The following RACK1 variants were observed in gnomAD, a reference collection of about 807,000 sequenced individuals.
The protein encoded by RACK1 is small ribosomal subunit protein RACK1.
RACK1 carries 3 observed loss-of-function variants against 42.2 expected under a neutral mutation model. The ratio of observed to expected loss-of-function variants is 0.07; its 90% CI spans 0.03 to 0.18. The LOEUF (loss-of-function observed/expected upper bound fraction) is 0.18, where lower values mean the gene tolerates loss of function less well. Ranked by LOEUF, RACK1 falls within the 10% of genes least tolerant of loss-of-function variation. RACK1 has a pLI of 1.00. For synonymous variants in RACK1, 181 were observed against 154.8 expected (o/e 1.17, Z -1.25); for missense variants, 146 against 403.2 (o/e 0.36, Z 5.46).
Position 181,239,598 on chromosome 5 carries a change from A to T in RACK1, c.430-16T>A, listed in dbSNP as rs565706686. The T allele has an allele frequency of 6.4e-7, 1 of 1,561,442 alleles. No individual in the cohort carries two copies. The highest frequency in any genetic ancestry group is 1.1e-5 in the South Asian group (1 of 90,000). ...GGCTCTCATCCTACAGAAGATGGAA[A>T]GGAAATTAGGGCAAACAGTCCTATC... On this transcript the variant is annotated splice_polypyrimidine_tract_variant and intron_variant, in intron 3 of 7. Transcript: ENST00000512805.
intron 2 of RACK1, 91 bp from the exon 3 acceptor site, chr5:181,241,730 G>C (rs1759352739): frequency 7.4e-7 from 1 of 1,354,716 alleles, no homozygotes; most frequent in African/African-American, 1.4e-5. Context: ...CTGTCTCATT[G>C]CATCACTCAT....
At chr5:181,243,658 A>C (rs1356101011) in intron 1 of RACK1, 34 bp downstream of exon 1, 3 of 1,561,030 alleles carry the variant, frequency 1.9e-6, no homozygotes, top group Non-Finnish European at 1.7e-6. Context: ...CCAGCCCTGC[A>C]ATCTCGGGTC....
chr5:181,239,198 C>T, intron 4 of RACK1, 21 bp from the exon 5 acceptor site: 1 of 1,488,574 alleles, frequency 6.7e-7, no homozygotes, highest in African/African-American at 1.4e-5. Flanking sequence ...GTGCGGTTGA[C>T]AGGTGAACAT....
At chr5:181,240,538 G>GT (rs1759302952) in intron 3 of RACK1, 1 of 151,732 alleles carries the variant, frequency 6.6e-6, no homozygotes, top group Non-Finnish European at 1.5e-5. Flanking sequence ...GCACACGCCT[G>GT]TAATCTTCTC....
intron 7 of RACK1, 160 bp downstream of exon 7, chr5:181,237,449 C>G: frequency 1.5e-6 from 1 of 669,950 alleles, no homozygotes; most frequent in Non-Finnish European, 2.7e-6. Context: ...GAAACACATT[C>G]ACTGGCATGG....
chr5:181,243,041 G>A, intron 1 of RACK1: 1 of 357,160 alleles, frequency 2.8e-6, no homozygotes, highest in South Asian at 2.1e-5. Flanking sequence ...AATGAATGCT[G>A]GAAAAGCCAC....
At chr5:181,238,929 T>A in intron 5 of RACK1, 138 bp downstream of exon 5, 2 of 753,274 alleles carry the variant, frequency 2.7e-6, no homozygotes, top group Non-Finnish European at 4.9e-6. Flanking sequence ...GGAAACATAT[T>A]CTCAGATTGC....
intron 3 of RACK1, 179 bp downstream of exon 3, chr5:181,241,313 C>A: frequency 1.7e-6 from 1 of 593,022 alleles, no homozygotes; most frequent in Non-Finnish European, 3.0e-6. Context: ...ACCTGTAGTA[C>A]CAGCTACTCG....
At chr5:181,237,399 G>GA (rs1759180425) in intron 7 of RACK1, 4 of 692,480 alleles carry the variant, frequency 5.8e-6, no homozygotes, top group Non-Finnish European at 1.1e-5. Flanking sequence ...ATTGAAGGCT[G>GA]ACAGCCACTG....
At chr5:181,237,924 C>T in intron 6 of RACK1, 175 bp downstream of exon 6, 1 of 690,962 alleles carries the variant, frequency 1.4e-6, no homozygotes, top group Admixed American at 2.5e-5. Context: ...TGCTAAACAT[C>T]CTGGAATGTA....
At chr5:181,241,670 T>TTAGCAAACACTCTCATTCAACGG (rs1447591944) in intron 2 of RACK1, 31 bp from the exon 3 acceptor site, 1 of 1,611,162 alleles carries the variant, frequency 6.2e-7, no homozygotes, top group East Asian at 2.2e-5. Context: ...ATTCTCAGAC[T>TTAGCAAACACTCTCATTCAACGG]TAGCAAACAC....
At position 181,239,351 on chromosome 5, in the gene RACK1, C is replaced by A. The variant is rs146971141; in HGVS notation, c.525+136G>T. ...ATATCCAATGCAGTGTGCTGACTTA[C>A]AAGGGACATCAGACCATGTGACAAG... On this transcript the variant is annotated intron_variant, in intron 4 of 7. Coordinates refer to ENST00000512805, the MANE Select transcript of RACK1 (RefSeq NM_006098.5). 125 of 781,004 alleles carry A rather than the reference C, an allele frequency of 1.6e-4. No individual in the cohort carries two copies. The African/African-American group carries it at 1.9e-3, about 12-fold the overall frequency. 48.4% of individuals were successfully genotyped at this position (781,004 alleles called of 1,614,324 possible).
intron 1 of RACK1, chr5:181,243,314 G>C (rs750592539): frequency 1.4e-5 from 19 of 1,361,868 alleles, no homozygotes; most frequent in Non-Finnish European, 1.8e-5. Context: ...CCGGGCGGCA[G>C]CTCAGAAACA....
At chr5:181,243,568 G>A in intron 1 of RACK1, 124 bp downstream of exon 1, 1 of 1,414,652 alleles carries the variant, frequency 7.1e-7, no homozygotes, top group Non-Finnish European at 9.6e-7. Flanking sequence ...GGGCAGAGAA[G>A]TCTGTCAGTC....
At chr5:181,240,785 A>G (rs1291711191) in intron 3 of RACK1, among the ~76,000 whole-genome samples, 1 of 152,184 alleles carries the variant, frequency 6.6e-6, no homozygotes. Context: ...ACCTTGGCCT[A>G]CCAGAGAGCT....
Position 181,243,864 on chromosome 5 carries a change from A to G in RACK1, c.-64T>C, listed in dbSNP as rs933427267. On this transcript the variant is annotated 5_prime_UTR_variant, in exon 1 of 8. Coordinates refer to ENST00000512805, the MANE Select transcript of RACK1 (RefSeq NM_006098.5). The stretch of plus-strand genomic sequence containing the variant: ...TGGCACTGGATGGCTTAGAGAAACT[A>G]GCACCACAACCTCTCCTGCCGCCGC... 2.5e-5 allele frequency: 38 copies of G among 1,527,304 alleles called. No individual in the cohort carries two copies. The highest frequency in any genetic ancestry group is 3.4e-5 in the Non-Finnish European group (38 of 1,133,782). 94.6% of individuals were successfully genotyped at this position (1,527,304 alleles called of 1,614,324 possible). A position where few individuals can be genotyped will look rare whatever the true frequency, so the allele number is the denominator to read the frequency against.
intron 7 of RACK1, 151 bp downstream of exon 7, chr5:181,237,458 G>A (rs897941875): frequency 7.5e-6 from 5 of 668,624 alleles, no homozygotes; most frequent in Admixed American, 6.4e-5. Flanking sequence ...TCACTGGCAT[G>A]GCAAACGAGG....
At position 181,239,185 on chromosome 5, in the gene RACK1, G is replaced by C; in HGVS notation, c.526-8C>G. The stretch of plus-strand genomic sequence containing the variant: ...GTTAGCCAGGTTCCATACCTGCATA[G>C]ACGTGCGGTTGACAGGTGAACATCC... On this transcript the variant is annotated splice_polypyrimidine_tract_variant and splice_region_variant and intron_variant, in intron 4 of 7. Coordinates refer to ENST00000512805, the MANE Select transcript of RACK1 (RefSeq NM_006098.5). 1 of 1,575,246 alleles carries C rather than the reference G, an allele frequency of 6.3e-7. No individual in the cohort carries two copies. The highest frequency in any genetic ancestry group is 8.7e-7 in the Non-Finnish European group (1 of 1,144,516).
At chr5:181,238,530 T>C (rs1044582006) in intron 5 of RACK1, 24 of 374,566 alleles carry the variant, frequency 6.4e-5, no homozygotes, top group Middle Eastern at 8.4e-4. Flanking sequence ...TTAGGCTGGG[T>C]GCGGTGGCTC....
Sources: allele counts gnomAD v4.1 joint callset (sites outside exome capture counted in the v4.1 genomes callset), GRCh38; gene constraint gnomAD v4.1.1; transcripts MANE v1.5; gene names NCBI Gene and HGNC (gene_info 2026-07-23, HGNC 2026-07-21).